Variants in LARP4B observed in about 807,000 individuals in gnomAD.
LARP4B encodes La ribonucleoprotein 4B, also known as la-related protein 4B.
LARP4B carries 12 observed loss-of-function variants against 89.8 expected under a neutral mutation model. That is an observed-to-expected ratio of 0.13 (90% CI 0.09 to 0.22). The LOEUF (loss-of-function observed/expected upper bound fraction) is 0.22. Ranked by LOEUF, LARP4B falls within the 10% of genes least tolerant of loss-of-function variation. The pLI is 1.00. For synonymous variants in LARP4B, 367 were observed against 363.3 expected, an observed-to-expected ratio of 1.01 and a Z score of -0.12; for missense variants, 757 against 947.7, an observed-to-expected ratio of 0.80 and a Z score of 2.64.
At chr10:815,554 G>A (rs1469501553) in intron 15 of LARP4B, 1 of 152,286 alleles carries the variant, frequency 6.6e-6, no homozygotes, top group African/African-American at 2.4e-5. Flanking sequence ...CAGGAAGCAG[G>A]TGTGCGAATG....
At chr10:851,414 C>T (rs925405482) in intron 5 of LARP4B, among the ~76,000 whole-genome samples, 1 of 152,076 alleles carries the variant, frequency 6.6e-6, no homozygotes, top group Non-Finnish European at 1.5e-5. Flanking sequence ...GAACTCTTGA[C>T]CTCACGTGAT....
chr10:877,377 T>C (rs1175881283), intron 3 of LARP4B, among the ~76,000 whole-genome samples: 2 of 17,012 alleles, frequency 1.2e-4, no homozygotes, highest in Admixed American at 7.0e-4. Context: ...CAAGACCCTG[T>C]CTCTAAAAAA....
intron 1 of LARP4B, among the ~76,000 whole-genome samples, chr10:926,531 G>T (rs1220475157): frequency 6.6e-6 from 1 of 152,210 alleles, no homozygotes; most frequent in Non-Finnish European, 1.5e-5. Flanking sequence ...GCCTAGGGCA[G>T]TCCTGATGAG....
the LARP4B span, among the ~76,000 whole-genome samples, chr10:960,716 A>T: frequency 6.9e-6 from 1 of 145,092 alleles, no homozygotes. Context: ...TCAAAAAAAA[A>T]AAAAAAAAAA....
At chr10:864,069 A>G in intron 4 of LARP4B, 54 bp downstream of exon 4, 1 of 1,607,602 alleles carries the variant, frequency 6.2e-7, no homozygotes, top group Admixed American at 1.7e-5. Context: ...AAATGGCAAC[A>G]AAAGCACAGG....
At chr10:900,192 C>A (rs1836295986) in intron 1 of LARP4B, among the ~76,000 whole-genome samples, 1 of 151,820 alleles carries the variant, frequency 6.6e-6, no homozygotes, top group Admixed American at 6.6e-5. Flanking sequence ...CTAAAAAATA[C>A]AAAACTTAGC....
chr10:895,065 A>C (rs914625524), intron 1 of LARP4B, among the ~76,000 whole-genome samples: 1 of 152,216 alleles, frequency 6.6e-6, no homozygotes, highest in African/African-American at 2.4e-5. Flanking sequence ...GTGTGCCTGT[A>C]GTCCCAGCTA....
chr10:878,356 G>T (rs1243716563), intron 3 of LARP4B, among the ~76,000 whole-genome samples: 1 of 152,170 alleles, frequency 6.6e-6, no homozygotes, highest in Non-Finnish European at 1.5e-5. Context: ...CAGGTGAGAA[G>T]CACTGGCTCC....
At chr10:835,174 T>G (rs1833135975) in intron 8 of LARP4B, among the ~76,000 whole-genome samples, 1 of 152,164 alleles carries the variant, frequency 6.6e-6, no homozygotes, top group Non-Finnish European at 1.5e-5. Flanking sequence ...AAAGACAGGC[T>G]AAGTGGAACA....
At chr10:922,988 T>C (rs533674282) in intron 1 of LARP4B, among the ~76,000 whole-genome samples, 30 of 151,976 alleles carry the variant, frequency 2.0e-4, no homozygotes, top group Non-Finnish European at 3.4e-4. Flanking sequence ...GGCAGGAGAA[T>C]GGCGTGAACC....
At chr10:940,936 C>G in the LARP4B span, among the ~76,000 whole-genome samples, 1 of 152,186 alleles carries the variant, frequency 6.6e-6, no homozygotes, top group African/African-American at 2.4e-5. Flanking sequence ...GGCAAAATCA[C>G]AGACTCAGCT....
intron 1 of LARP4B, among the ~76,000 whole-genome samples, chr10:905,163 C>A (rs371801792): frequency 2.4e-4 from 37 of 152,266 alleles, no homozygotes; most frequent in Admixed American, 7.8e-4. Flanking sequence ...ATAAGGGATA[C>A]TCAATCTATA....
chr10:900,076 T>G (rs1182805980), intron 1 of LARP4B, among the ~76,000 whole-genome samples: 1 of 151,510 alleles, frequency 6.6e-6, no homozygotes, highest in African/African-American at 2.4e-5. Context: ...CCAGGCACAG[T>G]GGCTCACGCC....
At chr10:931,976 G>A (rs934565719), upstream of LARP4B, among the ~76,000 whole-genome samples, 1 of 80,846 alleles carries the variant, frequency 1.2e-5, no homozygotes, top group Non-Finnish European at 2.8e-5. Context: ...CGTCCGCCCC[G>A]CCCGCCCCGC....
At chr10:827,248 C>G (rs944203549) in intron 11 of LARP4B, among the ~76,000 whole-genome samples, 3 of 147,628 alleles carry the variant, frequency 2.0e-5, no homozygotes, top group African/African-American at 7.6e-5. Context: ...TGCACTCCAG[C>G]CTGGGCGACA....
intron 1 of LARP4B, among the ~76,000 whole-genome samples, chr10:925,869 A>G (rs1214824224): frequency 1.3e-5 from 2 of 152,244 alleles, no homozygotes; most frequent in Non-Finnish European, 2.9e-5. Context: ...GAGAAACAGT[A>G]TAATTTAAAG....
the LARP4B span, among the ~76,000 whole-genome samples, chr10:976,402 T>A: frequency 6.7e-6 from 1 of 150,112 alleles, no homozygotes; most frequent in African/African-American, 2.5e-5. Flanking sequence ...TCATGCAACG[T>A]GTGGACCCTG....
the LARP4B span, among the ~76,000 whole-genome samples, chr10:957,400 A>G: frequency 6.6e-6 from 1 of 152,098 alleles, no homozygotes. Context: ...TCCTGACCTC[A>G]AGTGATCCAC....
chr10:844,528 C>T (rs1833680852), intron 6 of LARP4B, among the ~76,000 whole-genome samples: 1 of 152,312 alleles, frequency 6.6e-6, no homozygotes, highest in South Asian at 2.1e-4. Flanking sequence ...CAATCCCATC[C>T]TCCTTTATGT....
Sources: allele counts gnomAD v4.1 joint callset (sites outside exome capture counted in the v4.1 genomes callset), GRCh38; gene constraint gnomAD v4.1.1; transcripts MANE v1.5; gene names NCBI Gene and HGNC (gene_info 2026-07-23, HGNC 2026-07-21).